Variants in TBC1D15 observed in about 807,000 individuals in gnomAD.
TBC1D15 encodes TBC1 domain family member 15.
A neutral mutation model predicts 95.4 loss-of-function variants in TBC1D15; 39 were observed. That is an observed-to-expected ratio of 0.41 (90% CI 0.32 to 0.53). The LOEUF is 0.53. Among genes scored for constraint, TBC1D15 ranks in the 20% least tolerant of loss-of-function variants. The pLI, the probability that TBC1D15 is intolerant of heterozygous loss-of-function variation, is 0.29. For missense variants in TBC1D15, 733 were observed against 794.3 expected (o/e 0.92, Z 0.93); for synonymous variants, 258 against 261.3 (o/e 0.99, Z 0.12).
chr12:71,922,097 T>A (rs918086011), intron 16 of TBC1D15, among the ~76,000 whole-genome samples: 8 of 152,148 alleles, frequency 5.3e-5, no homozygotes, highest in South Asian at 4.1e-4. Flanking sequence ...ACTTTGCTTT[T>A]TTTTTGAGAC....
intron 10 of TBC1D15, 76 bp downstream of exon 10, chr12:71,898,017 A>C (rs1008306052): frequency 1.9e-6 from 2 of 1,029,234 alleles, no homozygotes; most frequent in Admixed American, 3.8e-5. Flanking sequence ...AGAAGTGAAG[A>C]TACATGGTAA....
intron 1 of TBC1D15, among the ~76,000 whole-genome samples, chr12:71,843,734 G>A (rs1037929921): frequency 1.3e-5 from 2 of 152,044 alleles, no homozygotes; most frequent in African/African-American, 2.4e-5. Flanking sequence ...TTGCAGCGCT[G>A]ACTGTGTATC....
At chr12:71,888,468 T>TA (rs201406866) in intron 5 of TBC1D15, among the ~76,000 whole-genome samples, 2,427 of 123,404 alleles carry the variant, frequency 0.02, 61 homozygotes, top group African/African-American at 0.061. Context: ...AGACTTTACC[T>TA]AAAAAAAAAA....
At chr12:71,907,210 T>C (rs888018818) in intron 11 of TBC1D15, 72 bp downstream of exon 11, 1 of 920,922 alleles carries the variant, frequency 1.1e-6, no homozygotes. Flanking sequence ...TTTAATCCAG[T>C]TAGACATGGG....
intron 11 of TBC1D15, among the ~76,000 whole-genome samples, chr12:71,911,266 T>A (rs1902210685): frequency 6.6e-6 from 1 of 152,094 alleles, no homozygotes; most frequent in Admixed American, 6.6e-5. Flanking sequence ...AGCCATCCCA[T>A]TACTGGGTAT....
chr12:71,895,190 C>G (rs1166965011), intron 7 of TBC1D15, among the ~76,000 whole-genome samples: 1 of 151,962 alleles, frequency 6.6e-6, no homozygotes, highest in Admixed American at 6.6e-5. Context: ...TAGTTCTGTT[C>G]CTTACTTGCA....
intron 10 of TBC1D15, among the ~76,000 whole-genome samples, chr12:71,899,628 A>G (rs1403638199): frequency 6.6e-6 from 1 of 152,182 alleles, no homozygotes; most frequent in Non-Finnish European, 1.5e-5. Context: ...GTTGGATTTT[A>G]CTTTAAGTAT....
At chr12:71,896,580 T>C in intron 8 of TBC1D15, 97 bp from the exon 9 acceptor site, 1 of 945,210 alleles carries the variant, frequency 1.1e-6, no homozygotes, top group South Asian at 1.6e-5. Context: ...TGAAACTACC[T>C]CTTAAAGATT....
At chr12:71,893,152 T>G in intron 5 of TBC1D15, 70 bp from the exon 6 acceptor site, 1 of 754,990 alleles carries the variant, frequency 1.3e-6, no homozygotes, top group Non-Finnish European at 1.9e-6. Context: ...AACATTTGTG[T>G]TAGTAATTGT....
chr12:71,841,436 T>C (rs1884975270), intron 1 of TBC1D15, among the ~76,000 whole-genome samples: 1 of 152,186 alleles, frequency 6.6e-6, no homozygotes, highest in African/African-American at 2.4e-5. Flanking sequence ...AAACTAGTTT[T>C]CCATGCCAAA....
chr12:71,890,546 C>T (rs1162157061), intron 5 of TBC1D15, among the ~76,000 whole-genome samples: 1 of 152,114 alleles, frequency 6.6e-6, no homozygotes, highest in Non-Finnish European at 1.5e-5. Context: ...TCATAAAGAG[C>T]TGACCTTCCT....
At chr12:71,853,111 G>T (rs1888231479) in intron 1 of TBC1D15, among the ~76,000 whole-genome samples, 1 of 152,190 alleles carries the variant, frequency 6.6e-6, no homozygotes, top group Non-Finnish European at 1.5e-5. Context: ...AGGAAGTGTG[G>T]TGCTGGCATC....
At chr12:71,874,397 G>C (rs1472587762) in intron 3 of TBC1D15, among the ~76,000 whole-genome samples, 1 of 151,976 alleles carries the variant, frequency 6.6e-6, no homozygotes, top group African/African-American at 2.4e-5. Flanking sequence ...ACTGTCTTTT[G>C]GTATCTGTGG....
chr12:71,892,912 A>G (rs1388392285), intron 5 of TBC1D15, among the ~76,000 whole-genome samples: 2 of 151,722 alleles, frequency 1.3e-5, no homozygotes, highest in Non-Finnish European at 3.0e-5. Flanking sequence ...CTATAATTCT[A>G]GAGAAGAATT....
At chr12:71,868,596 C>G (rs915447463) in intron 1 of TBC1D15, among the ~76,000 whole-genome samples, 7 of 151,998 alleles carry the variant, frequency 4.6e-5, no homozygotes, top group Non-Finnish European at 7.4e-5. Context: ...TATTATTTCC[C>G]CAGCTAAACT....
intron 16 of TBC1D15, 112 bp downstream of exon 16, chr12:71,921,566 CA>C (rs1869358091): frequency 3.8e-6 from 2 of 533,204 alleles, no homozygotes; most frequent in Non-Finnish European, 6.3e-6. Flanking sequence ...TGAGGGCAGG[CA>C]CAAAGTATTG....
At position 71,872,958 on chromosome 12, in the gene TBC1D15, A is replaced by G. The variant is rs371305670; in HGVS notation, c.159A>G (p.Pro53=). 21 of 1,610,350 alleles carry G rather than the reference A, an allele frequency of 1.3e-5. No individual in the cohort carries two copies. Among genetic ancestry groups the G allele is most frequent in the East Asian group, 4.5e-5 (2 of 44,736 alleles). Residue 53 remains proline (P), a synonymous_variant, in exon 3 of 17, where the codon CCA becomes CCG. Coordinates refer to ENST00000485960, the MANE Select transcript of TBC1D15 (RefSeq NM_001146213.3). The part of the protein sequence containing the change: ...KDAEVIVDWR[P]LDDALDSSSI... Reference sequence around the variant, plus strand: ...CCGAAGTAATAGTGGACTGGAGACCATTGGATGATGCATTAGATTCCTCTA... The same window carrying G: ...CCGAAGTAATAGTGGACTGGAGACCGTTGGATGATGCATTAGATTCCTCTA...
chr12:71,918,477 T>C lies in TBC1D15; in HGVS notation c.1528T>C (p.Phe510Leu). ...LESQDSGYLYFCFRWLLIRFK... is the reference protein window; with the variant it reads ...LESQDSGYLYLCFRWLLIRFK... ...ATCTCAGGACTCTGGATACCTTTAT[T>C]TTTGCTTCAGGTGGCTTTTAATCAG... Residue 510 changes from phenylalanine (F) to leucine (L), a missense_variant, in exon 14 of 17, where the codon TTT becomes CTT. Coordinates refer to ENST00000485960, the MANE Select transcript of TBC1D15 (RefSeq NM_001146213.3). The C allele has an allele frequency of 6.2e-7, 1 of 1,608,856 alleles. No individual in the cohort carries two copies. The highest frequency in any genetic ancestry group is 8.5e-7 in the Non-Finnish European group (1 of 1,178,248).
intron 2 of TBC1D15, among the ~76,000 whole-genome samples, chr12:71,872,374 AT>A (rs766996508): frequency 5.5e-4 from 84 of 152,322 alleles, no homozygotes; most frequent in Non-Finnish European, 1.0e-3. Context: ...CCCATCATAA[AT>A]TGAAGATATT....
Sources: gnomAD v4.1 joint callset for allele counts (sites outside exome capture counted in the v4.1 genomes callset) on GRCh38, gnomAD v4.1.1 for gene constraint, MANE v1.5 for transcripts, NCBI Gene and HGNC (gene_info 2026-07-23, HGNC 2026-07-21) for gene names.